Variants in ASIC2 observed in about 807,000 individuals in gnomAD.
ASIC2 encodes the protein acid sensing ion channel subunit 2, also known as acid-sensing ion channel 2.
ASIC2 carries 25 observed loss-of-function variants against 57.3 expected under a neutral mutation model. That is an observed-to-expected ratio of 0.44 (90% CI 0.32 to 0.61). The LOEUF (loss-of-function observed/expected upper bound fraction) is 0.61, where lower values mean the gene tolerates loss of function less well. Ranked by LOEUF, ASIC2 falls within the 20% of genes least tolerant of loss-of-function variation. The pLI, the probability that ASIC2 is intolerant of heterozygous loss-of-function variation, is 0.06. For missense variants in ASIC2, 641 were observed against 738.1 expected (o/e 0.87, Z 1.52); for synonymous variants, 319 against 307.5 (o/e 1.04, Z -0.39).
chr17:33,944,744 T>G (rs543607989), intron 1 of ASIC2, among the ~76,000 whole-genome samples: 156 of 152,314 alleles, frequency 1.0e-3, no homozygotes, highest in African/African-American at 3.6e-3. Flanking sequence ...GAAAGTCCAT[T>G]GCACACTGCA....
chr17:33,191,300 G>A (rs149033267), intron 1 of ASIC2, among the ~76,000 whole-genome samples: 1 of 152,084 alleles, frequency 6.6e-6, no homozygotes, highest in Non-Finnish European at 1.5e-5. Context: ...TGACAGAGAC[G>A]GATCAGTAGT....
In ASIC2 at chr17:33,292,669, C is replaced by G. The variant is rs7215389; in HGVS notation, c.-554G>C. On this transcript the variant is annotated 5_prime_UTR_variant, in exon 1 of 10. Coordinates refer to ENST00000225823, the MANE Select transcript of ASIC2 (RefSeq NM_183377.2). ...ACACGGGAGAGAAGGCGCCAAGGAA[C>G]GAGCGCCCCCAGAGGCGCACCGCGG... is the stretch of plus-strand genomic sequence containing the variant. The G allele has an allele frequency of 1.2e-5, 12 of 985,660 alleles. 1 individual carries two copies. The South Asian group carries it at 4.7e-4, about 39-fold the overall frequency. 61.1% of individuals were successfully genotyped at this position (985,660 alleles called of 1,614,324 possible). A position where few individuals can be genotyped will look rare whatever the true frequency, so the allele number is the denominator to read the frequency against.
intron 1 of ASIC2, among the ~76,000 whole-genome samples, chr17:33,803,222 G>T (rs576414168): frequency 6.6e-6 from 1 of 152,284 alleles, no homozygotes; most frequent in East Asian, 1.9e-4. Flanking sequence ...AAAACATCAG[G>T]GGTAAAGAGA....
intron 1 of ASIC2, among the ~76,000 whole-genome samples, chr17:33,555,986 G>C (rs1486490682): frequency 6.6e-6 from 1 of 152,184 alleles, no homozygotes; most frequent in Non-Finnish European, 1.5e-5. Context: ...AGGATCTGTT[G>C]ATCATAGCCC....
Position 33,133,088 on chromosome 17 carries a change from A to G in ASIC2, c.709-21021T>C, listed in dbSNP as rs2092353871. 2.0e-5 allele frequency among the ~76,000 whole-genome samples: 3 copies of G among 152,246 alleles called. No homozygotes were observed. In the South Asian group the frequency reaches 6.2e-4, roughly 32 times the overall value. On this transcript the variant is annotated intron_variant, in intron 1 of 9. Coordinates refer to ENST00000225823, the MANE Select transcript of ASIC2 (RefSeq NM_183377.2). ...AAAGAAATGCATGGTAAATGGAGGA[A>G]TCAGTTAAACACGGGGAGAGACAGA...
At chr17:33,321,521 G>A (rs1906865921) in intron 1 of ASIC2, among the ~76,000 whole-genome samples, 1 of 152,158 alleles carries the variant, frequency 6.6e-6, no homozygotes, top group African/African-American at 2.4e-5. Flanking sequence ...TTATCATTTA[G>A]TTGCATTAAA....
chr17:33,311,912 G>T (rs573899888), intron 1 of ASIC2, among the ~76,000 whole-genome samples: 2 of 152,210 alleles, frequency 1.3e-5, no homozygotes, highest in African/African-American at 4.8e-5. Context: ...TCAGCAAATG[G>T]CTCCACCATC....
chr17:34,126,614 A>C (rs1911788625), intron 1 of ASIC2, among the ~76,000 whole-genome samples: 1 of 152,164 alleles, frequency 6.6e-6, no homozygotes, highest in Admixed American at 6.5e-5. Context: ...ATCCACTGTC[A>C]GGACAGAGCT....
intron 1 of ASIC2, among the ~76,000 whole-genome samples, chr17:33,811,379 G>A (rs111804941): frequency 0.012 from 1,827 of 152,304 alleles, 20 homozygotes; most frequent in Non-Finnish European, 0.016. Flanking sequence ...CAAACAACTC[G>A]TCTTAGAGAG....
At chr17:34,123,117 T>C (rs1416265608) in intron 1 of ASIC2, among the ~76,000 whole-genome samples, 1 of 152,122 alleles carries the variant, frequency 6.6e-6, no homozygotes, top group Non-Finnish European at 1.5e-5. Flanking sequence ...GCCCAGCCTA[T>C]GAGAAGAAGG....
chr17:33,724,849 C>CACACAT (rs1294561521), intron 1 of ASIC2, among the ~76,000 whole-genome samples: 1 of 152,074 alleles, frequency 6.6e-6, no homozygotes, highest in African/African-American at 2.4e-5. Flanking sequence ...CACACACACA[C>CACACAT]ACATACACAC....
intron 1 of ASIC2, among the ~76,000 whole-genome samples, chr17:34,136,264 T>A (rs2079152): frequency 0.33 from 50,949 of 152,102 alleles, 8,597 homozygotes; most frequent in South Asian, 0.45. Context: ...TTTCTTTGAC[T>A]TATTTTGAAA....
At chr17:33,750,896 G>A (rs944438615) in intron 1 of ASIC2, among the ~76,000 whole-genome samples, 5 of 152,068 alleles carry the variant, frequency 3.3e-5, no homozygotes, top group Non-Finnish European at 5.9e-5. Flanking sequence ...AGTTTCCTGG[G>A]GAAACACATT....
intron 1 of ASIC2, among the ~76,000 whole-genome samples, chr17:33,481,073 C>T (rs186948592): frequency 7.9e-5 from 12 of 152,328 alleles, no homozygotes; most frequent in African/African-American, 2.9e-4. Context: ...TTCTTGTCTT[C>T]ATCTCTCTTG....
chr17:33,507,079 C>T (rs533498235), intron 1 of ASIC2, among the ~76,000 whole-genome samples: 5 of 152,278 alleles, frequency 3.3e-5, no homozygotes, highest in South Asian at 2.1e-4. Context: ...ACAAGCTGCT[C>T]GGCACATCCT....
intron 1 of ASIC2, among the ~76,000 whole-genome samples, chr17:33,165,185 G>A (rs1905271336): frequency 6.6e-6 from 1 of 152,206 alleles, no homozygotes; most frequent in Non-Finnish European, 1.5e-5. Flanking sequence ...GTCTGTGCCA[G>A]ATGTTTGTCT....
intron 1 of ASIC2, among the ~76,000 whole-genome samples, chr17:33,444,294 T>C (rs1183842224): frequency 6.6e-6 from 1 of 152,190 alleles, no homozygotes; most frequent in African/African-American, 2.4e-5. Flanking sequence ...TTTCAAGTTG[T>C]CATTGTGCAT....
chr17:33,561,890 CCAAGGA>C (rs1236190665), intron 1 of ASIC2, among the ~76,000 whole-genome samples: 1 of 152,238 alleles, frequency 6.6e-6, no homozygotes, highest in Non-Finnish European at 1.5e-5. Flanking sequence ...CGTTTTTCTA[CCAAGGA>C]CTGTGTGCAC....
intron 1 of ASIC2, among the ~76,000 whole-genome samples, chr17:33,363,222 A>G (rs980485165): frequency 6.6e-6 from 1 of 152,164 alleles, no homozygotes; most frequent in Admixed American, 6.5e-5. Context: ...AAATGTCTCA[A>G]TTGACTCACC....
Sources: allele counts gnomAD v4.1 joint callset (sites outside exome capture counted in the v4.1 genomes callset), GRCh38; gene constraint gnomAD v4.1.1; transcripts MANE v1.5; gene names NCBI Gene and HGNC (gene_info 2026-07-23, HGNC 2026-07-21).